The following PIP5K1C variants were observed in gnomAD, a reference collection of about 807,000 sequenced individuals.
PIP5K1C encodes phosphatidylinositol-4-phosphate 5-kinase type 1 gamma.
In PIP5K1C, 45 loss-of-function variants were observed where a neutral mutation model predicts 80.1. That is an observed-to-expected ratio of 0.56 (90% CI 0.44 to 0.72). The LOEUF is 0.72. Ranked by LOEUF, PIP5K1C falls within the 30% of genes least tolerant of loss-of-function variation. The probability of loss-of-function intolerance (pLI) is 0.00; values close to 1 mark genes in which losing one functional copy is unlikely to be tolerated. For missense variants in PIP5K1C, 753 were observed against 954.6 expected (o/e 0.79, Z 2.78); for synonymous variants, 498 against 420.1 (o/e 1.19, Z -2.27).
At chr19:3,697,421 C>A (rs560423841) in intron 1 of PIP5K1C, among the ~76,000 whole-genome samples, 2 of 148,208 alleles carry the variant, frequency 1.3e-5, no homozygotes, top group South Asian at 2.2e-4. Flanking sequence ...CTCAGCCAGA[C>A]GGAGGAGGAC....
chr19:3,694,373 C>T (rs2036038114), intron 1 of PIP5K1C, among the ~76,000 whole-genome samples: 1 of 152,192 alleles, frequency 6.6e-6, no homozygotes. Flanking sequence ...ACTGCCTGCT[C>T]ACCCCACATC....
intron 9 of PIP5K1C, among the ~76,000 whole-genome samples, 158 bp from the exon 10 acceptor site, chr19:3,647,544 T>A (rs1042789592): frequency 2.6e-5 from 4 of 151,766 alleles, no homozygotes; most frequent in African/African-American, 9.7e-5. Flanking sequence ...TGGCAGGGAG[T>A]GGGTGGAGGC....
chr19:3,678,892 G>C (rs1288550199), intron 1 of PIP5K1C, among the ~76,000 whole-genome samples: 2 of 141,740 alleles, frequency 1.4e-5, no homozygotes, highest in Non-Finnish European at 3.1e-5. Context: ...AGGGATGGCG[G>C]GATGGCAGGA....
At chr19:3,657,061 C>G (rs954157863) in intron 5 of PIP5K1C, among the ~76,000 whole-genome samples, 1 of 152,206 alleles carries the variant, frequency 6.6e-6, no homozygotes, top group Middle Eastern at 3.2e-3. Context: ...GGAACCTCAG[C>G]AGCCACACTG....
At chr19:3,677,749 AG>A (rs2035408605) in intron 1 of PIP5K1C, among the ~76,000 whole-genome samples, 2 of 107,724 alleles carry the variant, frequency 1.9e-5, no homozygotes, top group African/African-American at 3.7e-5. Context: ...GGTGGGATGG[AG>A]GGAGGGATGG....
At chr19:3,661,833 T>TCC in intron 4 of PIP5K1C, 38 bp downstream of exon 4, 2 of 1,607,718 alleles carry the variant, frequency 1.2e-6, no homozygotes, top group Admixed American at 3.3e-5. Flanking sequence ...GCCACGTGTG[T>TCC]GCTGGGTGAG....
chr19:3,639,860 C>T (rs945312653), intron 15 of PIP5K1C, among the ~76,000 whole-genome samples: 2 of 152,184 alleles, frequency 1.3e-5, no homozygotes, highest in Non-Finnish European at 2.9e-5. Context: ...AACGGAGGCA[C>T]GGAGAGGAGG....
intron 1 of PIP5K1C, among the ~76,000 whole-genome samples, 190 bp downstream of exon 1, chr19:3,700,107 C>T (rs2036250240): frequency 6.6e-6 from 1 of 151,978 alleles, no homozygotes; most frequent in Non-Finnish European, 1.5e-5. Flanking sequence ...CCCTCGCAGG[C>T]CTCCCGCTTC....
chr19:3,692,000 T>A (rs910965136), intron 1 of PIP5K1C, among the ~76,000 whole-genome samples: 4 of 152,092 alleles, frequency 2.6e-5, no homozygotes, highest in Non-Finnish European at 5.9e-5. Flanking sequence ...GCCCCGCCCA[T>A]GTCAGCGCAT....
intron 13 of PIP5K1C, 124 bp from the exon 14 acceptor site, chr19:3,643,063 C>T (rs2034040001): frequency 6.8e-6 from 10 of 1,460,924 alleles, no homozygotes; most frequent in East Asian, 4.6e-5. Flanking sequence ...TACATATGCT[C>T]CTCCCTCCCA....
At chr19:3,661,144 G>C in intron 4 of PIP5K1C, 61 bp from the exon 5 acceptor site, 2 of 1,140,252 alleles carry the variant, frequency 1.8e-6, no homozygotes, top group Middle Eastern at 2.2e-4. Flanking sequence ...CCCCACCCCC[G>C]CCATGGTCCC....
chr19:3,658,380 C>T (rs1026716461), intron 5 of PIP5K1C, among the ~76,000 whole-genome samples: 10 of 152,336 alleles, frequency 6.6e-5, no homozygotes, highest in Admixed American at 4.6e-4. Flanking sequence ...TCTGTCCAGG[C>T]CACTGCTGTC....
At chr19:3,635,848 C>A (rs574137320) in intron 16 of PIP5K1C, among the ~76,000 whole-genome samples, 42 of 152,254 alleles carry the variant, frequency 2.8e-4, no homozygotes, top group African/African-American at 9.9e-4. Context: ...GGCATGATGG[C>A]GGGCGCCTGT....
chr19:3,671,106 G>A (rs568244003), intron 1 of PIP5K1C, among the ~76,000 whole-genome samples: 3 of 152,284 alleles, frequency 2.0e-5, no homozygotes, highest in African/African-American at 4.8e-5. Flanking sequence ...GGGGCGGGAC[G>A]TTCCAGACCT....
chr19:3,644,511 T>C lies in PIP5K1C; in HGVS notation c.1346-260A>G, dbSNP rs4807495. On this transcript the variant is annotated intron_variant, in intron 11 of 17. Coordinates refer to ENST00000335312, the MANE Select transcript of PIP5K1C (RefSeq NM_012398.3). Reference sequence around the variant, plus strand: ...GACCTGGCACAGTGCCTGCCCCTCCTGGGATCCTGCAGACCAGTGACTCCC... The same window carrying C: ...GACCTGGCACAGTGCCTGCCCCTCCCGGGATCCTGCAGACCAGTGACTCCC... Among the ~76,000 whole-genome samples, 84,276 of 152,106 alleles carry C rather than the reference T, an allele frequency of 0.55. 23,640 individuals carry two copies. The highest frequency in any genetic ancestry group is 0.61 in the Middle Eastern group (180 of 294).
At chr19:3,641,490 C>T (rs965731630) in intron 15 of PIP5K1C, among the ~76,000 whole-genome samples, 6 of 152,176 alleles carry the variant, frequency 3.9e-5, no homozygotes, top group Admixed American at 3.3e-4. Context: ...ACAAATGTCC[C>T]CAGGCATCGC....
At chr19:3,643,217 ACAT>A in intron 13 of PIP5K1C, 23 bp downstream of exon 13, 1 of 1,610,994 alleles carries the variant, frequency 6.2e-7, no homozygotes, top group Non-Finnish European at 8.5e-7. Flanking sequence ...TGCCCCGCCC[ACAT>A]GCACTGCGGA....
intron 1 of PIP5K1C, among the ~76,000 whole-genome samples, chr19:3,679,445 C>T (rs1417240013): frequency 2.0e-5 from 3 of 152,230 alleles, no homozygotes; most frequent in East Asian, 3.9e-4. Context: ...CCTTCCTACC[C>T]GCCTTGCATC....
At chr19:3,679,538 CGGTT>C (rs1307389980) in intron 1 of PIP5K1C, among the ~76,000 whole-genome samples, 1 of 152,194 alleles carries the variant, frequency 6.6e-6, no homozygotes, top group Non-Finnish European at 1.5e-5. Flanking sequence ...GTCTCGTTCA[CGGTT>C]GCTCTCCCAG....
Sources: gnomAD v4.1 joint callset for allele counts (sites outside exome capture counted in the v4.1 genomes callset) on GRCh38, gnomAD v4.1.1 for gene constraint, MANE v1.5 for transcripts, NCBI Gene and HGNC (gene_info 2026-07-23, HGNC 2026-07-21) for gene names.